NCKAP5: variants seen among roughly 807,000 people sequenced by gnomAD.
The protein encoded by NCKAP5 is NCK associated protein 5, also known as nck-associated protein 5.
A neutral mutation model predicts 167.0 loss-of-function variants in NCKAP5; 92 were observed. The ratio of observed to expected loss-of-function variants is 0.55; its 90% CI spans 0.47 to 0.66. The LOEUF is 0.66. Among genes scored for constraint, NCKAP5 ranks in the 30% least tolerant of loss-of-function variants. The pLI, the probability that NCKAP5 is intolerant of heterozygous loss-of-function variation, is 0.00. For synonymous variants in NCKAP5, 891 were observed against 877.4 expected, an observed-to-expected ratio of 1.02 and a Z score of -0.27; for missense variants, 2,378 against 2,315.0, an observed-to-expected ratio of 1.03 and a Z score of -0.56.
chr2:132,867,811 C>T (rs2148752926), intron 10 of NCKAP5, among the ~76,000 whole-genome samples: 1 of 152,290 alleles, frequency 6.6e-6, no homozygotes, highest in African/African-American at 2.4e-5. Context: ...AACATTTTAG[C>T]TTATTTAACC....
At chr2:133,383,400 C>A (rs1356101875) in intron 3 of NCKAP5, among the ~76,000 whole-genome samples, 2 of 152,016 alleles carry the variant, frequency 1.3e-5, no homozygotes, top group Non-Finnish European at 2.9e-5. Flanking sequence ...TGAACTCATC[C>A]TTTTTATGAC....
At chr2:133,303,771 GA>G (rs899655106) in intron 3 of NCKAP5, among the ~76,000 whole-genome samples, 2 of 151,492 alleles carry the variant, frequency 1.3e-5, no homozygotes, top group African/African-American at 2.4e-5. Context: ...AAATGTATCT[GA>G]AAAAAAATTA....
At position 132,790,224 on chromosome 2, in the gene NCKAP5, T is replaced by TC. The variant is rs1314440057; in HGVS notation, c.910-20dup. On this transcript the variant is annotated intron_variant, in intron 12 of 19. Transcript: ENST00000409261. ...GGTGTTCCTGAAAAAGCAGGACAGC[T>TC]CTGAGCAAGGGCTTTGCTCAGAGGA... The TC allele has an allele frequency of 6.2e-7, 1 of 1,603,612 alleles. No homozygotes were observed. Among genetic ancestry groups the TC allele is most frequent in the African/African-American group, 1.3e-5 (1 of 74,758 alleles).
chr2:133,440,140 C>T (rs1300892959), intron 3 of NCKAP5, among the ~76,000 whole-genome samples: 2 of 152,278 alleles, frequency 1.3e-5, no homozygotes, highest in South Asian at 2.1e-4. Context: ...GCACAAAACA[C>T]ATAGTAGGAG....
chr2:133,644,880 A>G, the NCKAP5 span, among the ~76,000 whole-genome samples: 1 of 152,230 alleles, frequency 6.6e-6, no homozygotes, highest in Non-Finnish European at 1.5e-5. Context: ...ACACTGCACA[A>G]TGTAACAAAT....
At chr2:133,429,792 T>C (rs756185468) in intron 3 of NCKAP5, among the ~76,000 whole-genome samples, 1 of 152,140 alleles carries the variant, frequency 6.6e-6, no homozygotes, top group African/African-American at 2.4e-5. Flanking sequence ...ATACAGTGCA[T>C]GTATCTTTTT....
At chr2:133,040,335 C>G (rs919548398) in intron 6 of NCKAP5, among the ~76,000 whole-genome samples, 1 of 152,088 alleles carries the variant, frequency 6.6e-6, no homozygotes, top group Non-Finnish European at 1.5e-5. Context: ...ACCACGAATA[C>G]TTTTGCAGTG....
At position 132,685,571 on chromosome 2, in the gene NCKAP5, C is replaced by T. The variant is rs541599667; in HGVS notation, c.5714-12266G>A. Among the ~76,000 whole-genome samples, 489 of 152,234 alleles carry T rather than the reference C, an allele frequency of 3.2e-3. 3 individuals are homozygous for T. Among genetic ancestry groups the T allele is most frequent in the African/African-American group, 0.011 (476 of 41,546 alleles). On this transcript the variant is annotated intron_variant, in intron 19 of 19. Transcript: ENST00000409261. Reference sequence around the variant, plus strand: ...AAGGTAAGGAAGCACTGGGTAATGCCGTCTCTCAACAACCTAGAAAAAACA... The same window carrying T: ...AAGGTAAGGAAGCACTGGGTAATGCTGTCTCTCAACAACCTAGAAAAAACA...
At chr2:132,781,833 A>G in intron 14 of NCKAP5, 107 bp downstream of exon 14, 2 of 1,026,930 alleles carry the variant, frequency 1.9e-6, no homozygotes, top group South Asian at 1.7e-5. Context: ...TTCTGCCTGT[A>G]TGAAAAAACA....
chr2:133,354,778 C>T (rs917552800), intron 3 of NCKAP5, among the ~76,000 whole-genome samples: 5 of 152,060 alleles, frequency 3.3e-5, no homozygotes, highest in Non-Finnish European at 7.4e-5. Context: ...GGAAGCATCC[C>T]AAAATCTTAG....
the NCKAP5 span, among the ~76,000 whole-genome samples, chr2:133,583,691 T>C: frequency 6.6e-6 from 1 of 152,230 alleles, no homozygotes; most frequent in Non-Finnish European, 1.5e-5. Flanking sequence ...GCCAACTTTT[T>C]AGCACAAGTT....
Position 133,252,991 on chromosome 2 carries a change from C to G in NCKAP5, c.144-39212G>C, listed in dbSNP as rs116481890. On this transcript the variant is annotated intron_variant, in intron 4 of 19. Coordinates refer to ENST00000409261, the MANE Select transcript of NCKAP5 (RefSeq NM_207363.3). ...CACGTGAGGTGAAGACTCTGTCAGT[C>G]CCATTCATTCACTTCGCCAGCCTTC... 9.7e-3 allele frequency among the ~76,000 whole-genome samples: 1,473 copies of G among 152,330 alleles called. 24 individuals carry two copies. The highest frequency in any genetic ancestry group is 0.034 in the African/African-American group (1,402 of 41,578).
intron 11 of NCKAP5, among the ~76,000 whole-genome samples, chr2:132,805,534 A>C (rs1198202051): frequency 6.6e-6 from 1 of 151,944 alleles, no homozygotes; most frequent in Non-Finnish European, 1.5e-5. Context: ...TTATTATTCC[A>C]TGGTTATCAC....
chr2:133,616,975 C>G, the NCKAP5 span, among the ~76,000 whole-genome samples: 4 of 152,208 alleles, frequency 2.6e-5, no homozygotes, highest in Non-Finnish European at 5.9e-5. Context: ...GGCTTCATCC[C>G]TGGGATGCAA....
At chr2:133,079,945 G>A (rs72998828) in intron 6 of NCKAP5, among the ~76,000 whole-genome samples, 4,549 of 151,982 alleles carry the variant, frequency 0.03, 209 homozygotes, top group African/African-American at 0.1. Context: ...TATCTTTCTC[G>A]CAAACACTAT....
At chr2:133,502,012 C>T (rs1350175602) in intron 3 of NCKAP5, among the ~76,000 whole-genome samples, 1 of 152,190 alleles carries the variant, frequency 6.6e-6, no homozygotes, top group East Asian at 1.9e-4. Context: ...TTATAGGAGC[C>T]TCCAGGCTCC....
chr2:132,925,122 T>C (rs945716748), intron 8 of NCKAP5, among the ~76,000 whole-genome samples: 1 of 152,102 alleles, frequency 6.6e-6, no homozygotes, highest in Non-Finnish European at 1.5e-5. Context: ...AATTTTTCCA[T>C]GGACTTTGTT....
intron 11 of NCKAP5, among the ~76,000 whole-genome samples, chr2:132,839,982 T>C (rs1451500215): frequency 6.6e-6 from 1 of 152,194 alleles, no homozygotes; most frequent in Non-Finnish European, 1.5e-5. Flanking sequence ...ACTATGACTC[T>C]ATACCATCTG....
intron 3 of NCKAP5, among the ~76,000 whole-genome samples, chr2:133,344,145 T>C (rs1170034716): frequency 2.0e-5 from 3 of 152,114 alleles, no homozygotes; most frequent in Non-Finnish European, 4.4e-5. Context: ...CAGCGGCTCA[T>C]GCCTGTAATC....
Sources: gnomAD v4.1 joint callset for allele counts (sites outside exome capture counted in the v4.1 genomes callset) on GRCh38, gnomAD v4.1.1 for gene constraint, MANE v1.5 for transcripts, NCBI Gene and HGNC (gene_info 2026-07-23, HGNC 2026-07-21) for gene names.